Variants in HYDIN observed in about 807,000 individuals in gnomAD.
HYDIN encodes the protein axonemal central pair apparatus protein HYDIN.
HYDIN carries 132 observed loss-of-function variants against 403.9 expected under a neutral mutation model. That is an observed-to-expected ratio of 0.33 (90% CI 0.28 to 0.38). The LOEUF (loss-of-function observed/expected upper bound fraction) is 0.38, where lower values mean the gene tolerates loss of function less well. HYDIN is among the 10% of genes least tolerant of loss of function. The pLI is 1.00. For synonymous variants in HYDIN, 1,202 were observed against 1,891.7 expected, an observed-to-expected ratio of 0.64 and a Z score of 9.46; for missense variants, 2,827 against 5,009.5, an observed-to-expected ratio of 0.56 and a Z score of 13.15.
At chr16:70,855,701 G>C (rs1321151005) in intron 72 of HYDIN, among the ~76,000 whole-genome samples, 3 of 152,284 alleles carry the variant, frequency 2.0e-5, no homozygotes, top group Non-Finnish European at 4.4e-5. Flanking sequence ...TGAGTTTCCT[G>C]CCCAGGGCTC....
chr16:71,186,441 G>A (rs960939311), intron 2 of HYDIN, among the ~76,000 whole-genome samples: 2 of 152,050 alleles, frequency 1.3e-5, no homozygotes, highest in East Asian at 1.9e-4. Context: ...TCTGATATTT[G>A]ACTGTTTTTG....
chr16:71,216,629 G>A (rs775450328), intron 1 of HYDIN, among the ~76,000 whole-genome samples: 31 of 152,106 alleles, frequency 2.0e-4, no homozygotes, highest in East Asian at 7.7e-4. Flanking sequence ...ATACATTTAC[G>A]TGTATGTTCT....
At chr16:71,087,316 G>A (rs911162821) in intron 12 of HYDIN, among the ~76,000 whole-genome samples, 6 of 151,846 alleles carry the variant, frequency 4.0e-5, no homozygotes, top group African/African-American at 9.7e-5. Flanking sequence ...TGATTGCAGG[G>A]TTATTTTTTT....
chr16:70,902,822 T>TATATATATATATATATATATATA (rs1491533720), intron 52 of HYDIN, among the ~76,000 whole-genome samples: 2 of 17,216 alleles, frequency 1.2e-4, no homozygotes, highest in African/African-American at 6.1e-4. Context: ...TATATATATA[T>TATATATATATATATATATATATA]TTTTTTTTTT....
At chr16:71,010,119 AG>A (rs1174228894) in intron 23 of HYDIN, among the ~76,000 whole-genome samples, 1 of 131,404 alleles carries the variant, frequency 7.6e-6, no homozygotes, top group Non-Finnish European at 1.6e-5. Flanking sequence ...CGGGGAAGAA[AG>A]GGGGCTGAGG....
chr16:70,994,779 T>G (rs2079475527), intron 23 of HYDIN, among the ~76,000 whole-genome samples: 1 of 148,502 alleles, frequency 6.7e-6, no homozygotes, highest in East Asian at 1.9e-4. Flanking sequence ...ACTGCAGCCT[T>G]AACAGCTAGG....
intron 7 of HYDIN, among the ~76,000 whole-genome samples, chr16:71,137,839 A>G (rs1053002189): frequency 2.0e-5 from 3 of 152,022 alleles, no homozygotes; most frequent in African/African-American, 7.2e-5. Context: ...TAACTTCAAA[A>G]ATAGAAAACT....
At chr16:70,895,960 T>C (rs2076189364) in intron 54 of HYDIN, 21 bp downstream of exon 54, 1 of 1,587,480 alleles carries the variant, frequency 6.3e-7, no homozygotes, top group South Asian at 1.1e-5. Context: ...AAACATCCTG[T>C]CCTTGAAGGG....
chr16:71,214,042 A>G (rs1567461173), intron 1 of HYDIN, among the ~76,000 whole-genome samples: 1 of 152,152 alleles, frequency 6.6e-6, no homozygotes. Context: ...CAAAAAGCTG[A>G]CATAAATTAT....
chr16:70,902,813 A>T (rs1340236711), intron 52 of HYDIN, among the ~76,000 whole-genome samples: 13 of 29,314 alleles, frequency 4.4e-4, no homozygotes, highest in African/African-American at 2.2e-3. Flanking sequence ...ATATATATAT[A>T]TATATATATT....
chr16:70,993,150 ATCTGCACTTCTT>A (rs753274818), intron 23 of HYDIN, among the ~76,000 whole-genome samples: 38 of 152,224 alleles, frequency 2.5e-4, no homozygotes, highest in Non-Finnish European at 8.8e-5. Flanking sequence ...AGAGCATTTC[ATCTGCACTTCTT>A]TTAGGACACT....
chr16:70,898,839 G>A (rs2076280625), intron 53 of HYDIN, among the ~76,000 whole-genome samples: 1 of 150,558 alleles, frequency 6.6e-6, no homozygotes. Context: ...CGCCTCCAGG[G>A]TTCAAGTGAT....
At chr16:71,090,676 G>T (rs199590770) in intron 11 of HYDIN, among the ~76,000 whole-genome samples, 11 of 149,242 alleles carry the variant, frequency 7.4e-5, no homozygotes, top group South Asian at 2.1e-4. Context: ...ATTTTTGTGG[G>T]TTTTTTTTTG....
intron 18 of HYDIN, among the ~76,000 whole-genome samples, chr16:71,037,475 C>A (rs2081128340): frequency 6.6e-6 from 1 of 152,004 alleles, no homozygotes; most frequent in Non-Finnish European, 1.5e-5. Context: ...GTTACTTAGT[C>A]AAACACAAAT....
chr16:70,968,651 C>T (rs1178925133), intron 36 of HYDIN, among the ~76,000 whole-genome samples: 2 of 152,054 alleles, frequency 1.3e-5, no homozygotes, highest in Non-Finnish European at 1.5e-5. Flanking sequence ...CCCCCTTCTC[C>T]TTGCCCAAGT....
At chr16:71,217,477 C>G (rs1259860952) in intron 1 of HYDIN, among the ~76,000 whole-genome samples, 1 of 152,178 alleles carries the variant, frequency 6.6e-6, no homozygotes, top group Non-Finnish European at 1.5e-5. Context: ...AATTTCACTT[C>G]TGAACAAAAC....
intron 6 of HYDIN, among the ~76,000 whole-genome samples, chr16:71,158,604 AT>A (rs1244649020): frequency 6.7e-6 from 1 of 148,672 alleles, no homozygotes; most frequent in Non-Finnish European, 1.5e-5. Flanking sequence ...AAAAAAAAAA[AT>A]ACCATTGTAA....
Position 70,803,802 on chromosome 16 carries a change from G to A in HYDIN, c.*3778C>T, listed in dbSNP as rs1216167013. ...ACAGTATTGTCACCTCTGACTTGAG[G>A]CTCCTAAAGAAGTGGTTAGACTTAG... On this transcript the variant is annotated 3_prime_UTR_variant, in exon 86 of 86. Transcript: ENST00000393567. 6.6e-6 allele frequency among the ~76,000 whole-genome samples: 1 copy of A among 152,168 alleles called. No homozygotes were observed. The highest frequency in any genetic ancestry group is 1.5e-5 in the Non-Finnish European group (1 of 68,022).
At chr16:71,219,978 C>T (rs1207356376) in intron 1 of HYDIN, among the ~76,000 whole-genome samples, 1 of 152,152 alleles carries the variant, frequency 6.6e-6, no homozygotes, top group Non-Finnish European at 1.5e-5. Context: ...TATTTCGGTC[C>T]ATTGCGTTCT....
Sources: allele counts gnomAD v4.1 joint callset (sites outside exome capture counted in the v4.1 genomes callset), GRCh38; gene constraint gnomAD v4.1.1; transcripts MANE v1.5; gene names NCBI Gene and HGNC (gene_info 2026-07-23, HGNC 2026-07-21).